The following HNRNPLL variants were observed in gnomAD, a reference collection of about 807,000 sequenced individuals.
HNRNPLL encodes the protein heterogeneous nuclear ribonucleoprotein L like.
A neutral mutation model predicts 67.1 loss-of-function variants in HNRNPLL; 25 were observed. The ratio of observed to expected loss-of-function variants is 0.37; its 90% CI spans 0.27 to 0.52. HNRNPLL has a LOEUF of 0.52. HNRNPLL is among the 20% of genes least tolerant of loss of function. HNRNPLL has a pLI of 0.90. For missense variants in HNRNPLL, 542 were observed against 673.9 expected, an observed-to-expected ratio of 0.80 and a Z score of 2.17; for synonymous variants, 267 against 241.7, an observed-to-expected ratio of 1.10 and a Z score of -0.97.
chr2:38,586,679 A>G (rs1666747883), intron 2 of HNRNPLL, among the ~76,000 whole-genome samples: 2 of 152,328 alleles, frequency 1.3e-5, no homozygotes, highest in South Asian at 4.1e-4. Flanking sequence ...GACTGACCAA[A>G]GTTCCAAAGT....
chr2:38,581,062 T>C (rs1197121155), intron 6 of HNRNPLL: 1 of 152,220 alleles, frequency 6.6e-6, no homozygotes, highest in Non-Finnish European at 1.5e-5. Context: ...AAGTAAACAA[T>C]GCAGCAAGTG....
chr2:38,564,098 A>G lies in HNRNPLL; in HGVS notation c.*84T>C. On this transcript the variant is annotated 3_prime_UTR_variant, in exon 13 of 13. Transcript: ENST00000449105. ...AAAGTAAGCAAGGCAACATGAGATC[A>G]ACCATTTTAGATTTTTTTTTAATGA... is the stretch of plus-strand genomic sequence containing the variant. 1 of 864,712 alleles carries G rather than the reference A, an allele frequency of 1.2e-6. No homozygotes were observed. Among genetic ancestry groups the G allele is most frequent in the Non-Finnish European group, 2.0e-6 (1 of 508,034 alleles). 53.6% of individuals were successfully genotyped at this position (864,712 alleles called of 1,614,324 possible).
intron 12 of HNRNPLL, 123 bp downstream of exon 12, chr2:38,568,071 CTTTCT>C (rs1665940934): frequency 1.6e-6 from 1 of 613,410 alleles, no homozygotes; most frequent in Non-Finnish European, 2.8e-6. Flanking sequence ...ATTAATATGC[CTTTCT>C]TTTTTGTATT....
At chr2:38,579,006 T>A (rs1395476054) in intron 6 of HNRNPLL, among the ~76,000 whole-genome samples, 3 of 152,100 alleles carry the variant, frequency 2.0e-5, no homozygotes, top group Non-Finnish European at 2.9e-5. Context: ...AGCCTACTAA[T>A]CCATTCTGTT....
At chr2:38,583,632 G>A (rs1212178343) in intron 4 of HNRNPLL, among the ~76,000 whole-genome samples, 1 of 152,136 alleles carries the variant, frequency 6.6e-6, no homozygotes, top group Non-Finnish European at 1.5e-5. Context: ...GCTTAAAAAG[G>A]AAGCACTAGA....
chr2:38,602,882 C>T lies in HNRNPLL; in HGVS notation c.-256G>A, dbSNP rs1415990728. ...CGAGCCAACATTCAGCCTCTCCCTC[C>T]TCCTCCTCCGTCTCCGCTCCCTGCC... is the stretch of plus-strand genomic sequence containing the variant. On this transcript the variant is annotated 5_prime_UTR_variant, in exon 1 of 13. Coordinates refer to ENST00000449105, the MANE Select transcript of HNRNPLL (RefSeq NM_138394.4). 1.3e-6 allele frequency: 2 copies of T among 1,548,668 alleles called. No homozygotes were observed. The highest frequency in any genetic ancestry group is 2.5e-5 in the East Asian group (1 of 40,734).
At chr2:38,582,012 T>A (rs550302823) in intron 5 of HNRNPLL, 27 bp from the exon 6 acceptor site, 1 of 1,600,590 alleles carries the variant, frequency 6.2e-7, no homozygotes, top group South Asian at 1.1e-5. Context: ...TAATGTAAGT[T>A]CAAACTGCAT....
chr2:38,590,683 G>A (rs1045878535), intron 2 of HNRNPLL, among the ~76,000 whole-genome samples: 4 of 152,114 alleles, frequency 2.6e-5, no homozygotes, highest in Non-Finnish European at 5.9e-5. Flanking sequence ...TGAATACAAG[G>A]CACAAAAGGA....
chr2:38,589,579 G>A (rs902308813), intron 2 of HNRNPLL, among the ~76,000 whole-genome samples: 37 of 152,090 alleles, frequency 2.4e-4, no homozygotes, highest in African/African-American at 8.5e-4. Flanking sequence ...CCAATCTTGA[G>A]GGCAAAATGA....
intron 9 of HNRNPLL, 75 bp from the exon 10 acceptor site, chr2:38,569,409 T>C (rs1199917544): frequency 1.5e-5 from 16 of 1,055,412 alleles, no homozygotes; most frequent in East Asian, 1.0e-4. Flanking sequence ...AGAATGCTAA[T>C]ATATTTTGCT....
At chr2:38,577,237 T>A (rs913596914) in intron 7 of HNRNPLL, among the ~76,000 whole-genome samples, 1 of 151,808 alleles carries the variant, frequency 6.6e-6, no homozygotes, top group African/African-American at 2.4e-5. Context: ...AAGTATTCAA[T>A]CCCCAACTAG....
At chr2:38,580,909 T>C (rs1363318820) in intron 6 of HNRNPLL, among the ~76,000 whole-genome samples, 1 of 152,180 alleles carries the variant, frequency 6.6e-6, no homozygotes, top group East Asian at 1.9e-4. Context: ...CCTTAAATTG[T>C]TACAAAAAGT....
chr2:38,586,108 G>C (rs906856062), intron 2 of HNRNPLL, among the ~76,000 whole-genome samples: 1 of 151,222 alleles, frequency 6.6e-6, no homozygotes, highest in African/African-American at 2.4e-5. Flanking sequence ...TGCAAGCTCC[G>C]CCTCCCGGGT....
intron 2 of HNRNPLL, among the ~76,000 whole-genome samples, chr2:38,588,117 CTCT>C (rs1666806144): frequency 6.6e-6 from 1 of 152,324 alleles, no homozygotes; most frequent in Admixed American, 6.5e-5. Context: ...GATTAAACCT[CTCT>C]TCTTAATAAA....
intron 12 of HNRNPLL, among the ~76,000 whole-genome samples, chr2:38,564,604 A>T (rs1299712647): frequency 7.8e-6 from 1 of 128,946 alleles, no homozygotes; most frequent in African/African-American, 3.2e-5. Context: ...ACAGAGTGAG[A>T]CTCCGTCTCA....
chr2:38,595,809 A>G (rs1026493027), intron 1 of HNRNPLL, among the ~76,000 whole-genome samples: 1 of 152,094 alleles, frequency 6.6e-6, no homozygotes, highest in Non-Finnish European at 1.5e-5. Flanking sequence ...GCGCCACTGC[A>G]CTCCAGCCTG....
At chr2:38,578,902 C>A (rs1666410899) in intron 6 of HNRNPLL, among the ~76,000 whole-genome samples, 1 of 152,124 alleles carries the variant, frequency 6.6e-6, no homozygotes, top group Non-Finnish European at 1.5e-5. Context: ...TCCCCAAAGT[C>A]ATTTCTTCTT....
chr2:38,576,970 A>G (rs993540705), intron 7 of HNRNPLL, among the ~76,000 whole-genome samples: 6 of 151,934 alleles, frequency 3.9e-5, no homozygotes, highest in Non-Finnish European at 7.4e-5. Flanking sequence ...AGAAGTTTTA[A>G]AAGGGGAATA....
chr2:38,590,862 G>A lies in HNRNPLL; in HGVS notation c.308+668C>T, dbSNP rs78493444. The stretch of plus-strand genomic sequence containing the variant: ...TACAAAAAATTTTTTTAAATTACCC[G>A]GGCATAGTGACATGCGTCTATAGTC... On this transcript the variant is annotated intron_variant, in intron 2 of 12. Coordinates refer to ENST00000449105, the MANE Select transcript of HNRNPLL (RefSeq NM_138394.4). Among the ~76,000 whole-genome samples, 81 of 152,116 alleles carry A rather than the reference G, an allele frequency of 5.3e-4. 4 individuals are homozygous for A. In the East Asian group the frequency reaches 0.014, roughly 25 times the overall value.
Sources: gnomAD v4.1 joint callset for allele counts (sites outside exome capture counted in the v4.1 genomes callset) on GRCh38, gnomAD v4.1.1 for gene constraint, MANE v1.5 for transcripts, NCBI Gene and HGNC (gene_info 2026-07-23, HGNC 2026-07-21) for gene names.